NUP188: variants seen among roughly 807,000 people sequenced by gnomAD.
NUP188 encodes the protein nucleoporin NUP188.
In NUP188, 97 loss-of-function variants were observed where a neutral mutation model predicts 223.0. That is an observed-to-expected ratio of 0.43 (90% CI 0.37 to 0.51). The LOEUF (loss-of-function observed/expected upper bound fraction) is 0.51. NUP188 is among the 20% of genes least tolerant of loss of function. The pLI, the probability that NUP188 is intolerant of heterozygous loss-of-function variation, is 0.00. For missense variants in NUP188, 1,947 were observed against 2,175.6 expected, an observed-to-expected ratio of 0.89 and a Z score of 2.09; for synonymous variants, 869 against 828.0, an observed-to-expected ratio of 1.05 and a Z score of -0.85.
chr9:129,006,112 C>A lies in NUP188; in HGVS notation c.4932C>A (p.Thr1644=). The A allele has an allele frequency of 6.2e-7, 1 of 1,614,164 alleles. No homozygotes were observed. The highest frequency in any genetic ancestry group is 8.5e-7 in the Non-Finnish European group (1 of 1,180,020). Residue 1644 remains threonine, a synonymous_variant, in exon 42 of 44, where the codon ACC becomes ACA. Coordinates refer to ENST00000372577, the MANE Select transcript of NUP188 (RefSeq NM_015354.3). ...AVGLSTQAEG[T]RTLKSLLMFT... ...GGCTCAGCACACAGGCAGAAGGGAC[C>A]AGGACGTTAAAGTAAGTGCTCTTTC... is the stretch of plus-strand genomic sequence containing the variant.
Position 128,998,129 on chromosome 9 carries a change from ACCTTTTTCTGTTC to A in NUP188, c.3352-20_3352-8del. 2 of 1,604,856 alleles carry A rather than the reference ACCTTTTTCTGTTC, an allele frequency of 1.2e-6. No homozygotes were observed. Among genetic ancestry groups the A allele is most frequent in the Non-Finnish European group, 1.7e-6 (2 of 1,171,828 alleles). ...AATCTGGAAAATTTTCCCAGCTGAA[ACCTTTTTCTGTTC>A]CTTTGCAGGCAGATATAATGCACCT... On this transcript the variant is annotated splice_polypyrimidine_tract_variant and intron_variant, in intron 30 of 43. Transcript: ENST00000372577.
At chr9:128,959,250 G>A (rs1841911978) in intron 8 of NUP188, 116 bp downstream of exon 8, 3 of 733,562 alleles carry the variant, frequency 4.1e-6, no homozygotes, top group Non-Finnish European at 2.0e-6. Context: ...CCATCTCCTG[G>A]TTTTAAGCAA....
intron 22 of NUP188, 83 bp downstream of exon 22, chr9:128,986,958 C>A: frequency 7.9e-7 from 1 of 1,259,744 alleles, no homozygotes; most frequent in Non-Finnish European, 1.1e-6. Flanking sequence ...CTCAGTTCTT[C>A]CAGAGAATTT....
intron 30 of NUP188, among the ~76,000 whole-genome samples, chr9:128,996,149 ATT>A (rs879374754): frequency 2.1e-5 from 3 of 142,914 alleles, no homozygotes; most frequent in African/African-American, 7.7e-5. Context: ...ATCCAGATTA[ATT>A]TTTTTTTTTT....
intron 38 of NUP188, chr9:129,004,836 C>T (rs1273271873): frequency 4.7e-6 from 2 of 425,130 alleles, no homozygotes; most frequent in Non-Finnish European, 8.6e-6. Context: ...TACAATATAC[C>T]AGGCACCTAG....
intron 33 of NUP188, 88 bp from the exon 34 acceptor site, chr9:128,999,536 T>G: frequency 3.6e-6 from 5 of 1,388,722 alleles, no homozygotes; most frequent in Non-Finnish European, 4.0e-6. Context: ...CTAGTACATC[T>G]CCAGCCCCTT....
chr9:128,979,562 T>C (rs1842226668), intron 13 of NUP188, among the ~76,000 whole-genome samples: 1 of 151,678 alleles, frequency 6.6e-6, no homozygotes, highest in Admixed American at 6.6e-5. Flanking sequence ...CAGTTCTGTC[T>C]GACTTGAGTC....
At chr9:128,979,014 A>G (rs535738505) in intron 12 of NUP188, among the ~76,000 whole-genome samples, 1 of 152,294 alleles carries the variant, frequency 6.6e-6, no homozygotes, top group Admixed American at 6.5e-5. Context: ...CAGCCAACCA[A>G]CCAATTCTTA....
intron 12 of NUP188, among the ~76,000 whole-genome samples, chr9:128,974,622 A>T (rs143791157): frequency 1.0e-3 from 157 of 152,246 alleles, no homozygotes; most frequent in African/African-American, 3.6e-3. Context: ...TCTACCAGTT[A>T]TCATCTCATG....
rs1588279196 is a variant in NUP188, at chr9:128,977,246, A to G, written c.1204-2016A>G. 1.3e-5 allele frequency among the ~76,000 whole-genome samples: 2 copies of G among 150,334 alleles called. 1 individual carries two copies. The highest frequency in any genetic ancestry group is 4.2e-4 in the South Asian group (2 of 4,766). The stretch of plus-strand genomic sequence containing the variant: ...GCCATTCTCCTGCCTCAGCCTCCCC[A>G]GCAGCAGGGACTACAGGCGCCCGCC... On this transcript the variant is annotated intron_variant, in intron 12 of 43. Transcript: ENST00000372577.
intron 3 of NUP188, among the ~76,000 whole-genome samples, chr9:128,956,135 T>C (rs1841865495): frequency 6.6e-6 from 1 of 151,966 alleles, no homozygotes. Flanking sequence ...TGTTTTGTTT[T>C]GTTAGGCATA....
intron 5 of NUP188, among the ~76,000 whole-genome samples, 157 bp downstream of exon 5, chr9:128,957,189 T>A (rs1338773928): frequency 1.3e-5 from 2 of 152,136 alleles, no homozygotes; most frequent in Non-Finnish European, 2.9e-5. Context: ...AAAAAAAACA[T>A]GACCTGGGTG....
In NUP188 at chr9:128,990,235, G is replaced by A. The variant is rs369356929; in HGVS notation, c.2640+9G>A. On this transcript the variant is annotated intron_variant, in intron 25 of 43. Transcript: ENST00000372577. ...TGAAACGTCTGGCCACGGTAGGATC[G>A]TACTTCATGCACACACACTGTTTAT... The A allele has an allele frequency of 7.5e-6, 12 of 1,597,618 alleles. No homozygotes were observed. The highest frequency in any genetic ancestry group is 2.2e-5 in the East Asian group (1 of 44,808).
At chr9:129,000,935 G>A (rs573613228) in intron 34 of NUP188, among the ~76,000 whole-genome samples, 1 of 152,112 alleles carries the variant, frequency 6.6e-6, no homozygotes, top group East Asian at 2.0e-4. Flanking sequence ...CTACTCGGGA[G>A]GCTGAGGCAG....
At chr9:128,947,916 G>GCC (rs1280016795) in intron 1 of NUP188, 165 bp downstream of exon 1, 2 of 517,734 alleles carry the variant, frequency 3.9e-6, no homozygotes, top group Admixed American at 8.2e-5. Flanking sequence ...AACGGTCCCC[G>GCC]CGCGCGGGGA....
chr9:129,001,965 G>A lies in NUP188; in HGVS notation c.4126G>A (p.Gly1376Ser), dbSNP rs753790298. The A allele has an allele frequency of 4.3e-6, 7 of 1,613,628 alleles. No individual in the cohort carries two copies. The highest frequency in any genetic ancestry group is 1.7e-4 in the Middle Eastern group (1 of 6,060). Residue 1376 changes from glycine (G) to serine (S), a missense_variant, in exon 36 of 44, where the codon GGC (glycine) becomes AGC (serine). Gly to Ser is a moderately conservative substitution (Grantham distance 56). Around this residue, in one of 3 missense-constraint regions of NUP188, gnomAD observed 905 missense variants for 990.6 expected, o/e 0.91. Coordinates refer to ENST00000372577, the MANE Select transcript of NUP188 (RefSeq NM_015354.3). ...GAGTGTGTACCAGCTGAGCACCAAC[G>A]GCACAGCACAGGTGAGTGTCAGGAG... is the stretch of plus-strand genomic sequence containing the variant. ...LLSVYQLSTN[G>S]TAQTPSASRK...
chr9:128,998,267 G>A (rs769436402), intron 31 of NUP188, 39 bp downstream of exon 31: 16 of 1,551,906 alleles, frequency 1.0e-5, no homozygotes, highest in African/African-American at 9.5e-5. Flanking sequence ...CTCCCAGGGA[G>A]GTTGTCTTTG....
intron 20 of NUP188, 196 bp downstream of exon 20, chr9:128,985,210 G>T: frequency 2.1e-6 from 1 of 472,208 alleles, no homozygotes; most frequent in East Asian, 3.5e-5. Context: ...TCTATTAGGT[G>T]CTTAATTATG....
chr9:128,983,602 T>G, intron 19 of NUP188, 52 bp downstream of exon 19: 1 of 1,206,954 alleles, frequency 8.3e-7, no homozygotes, highest in Non-Finnish European at 1.2e-6. Context: ...GAACCACATA[T>G]GTCTCAGATC....
Sources: allele counts gnomAD v4.1 joint callset (sites outside exome capture counted in the v4.1 genomes callset), GRCh38; gene constraint gnomAD v4.1.1; regional missense constraint gnomAD v4.1.1; transcripts MANE v1.5; gene names NCBI Gene and HGNC (gene_info 2026-07-23, HGNC 2026-07-21).